Variants in DESI2 observed in about 807,000 individuals in gnomAD.
The protein encoded by DESI2 is desumoylating isopeptidase 2.
Under a neutral mutation model 24.1 loss-of-function variants are expected in DESI2, and 10 were observed. The ratio of observed to expected loss-of-function variants is 0.41; its 90% CI spans 0.26 to 0.70. The LOEUF is 0.70. DESI2 is among the 30% of genes least tolerant of loss of function. The pLI is 0.29. For synonymous variants in DESI2, 71 were observed against 87.7 expected (o/e 0.81, Z 1.06); for missense variants, 122 against 234.9 (o/e 0.52, Z 3.14).
At chr1:244,702,218 A>T (rs951339425) in intron 4 of DESI2, among the ~76,000 whole-genome samples, 2 of 152,326 alleles carry the variant, frequency 1.3e-5, no homozygotes, top group South Asian at 2.1e-4. Flanking sequence ...TCAAAGTTTT[A>T]AAAACATTGG....
chr1:244,699,826 C>T (rs1002973189), intron 4 of DESI2, among the ~76,000 whole-genome samples: 1 of 152,170 alleles, frequency 6.6e-6, no homozygotes, highest in East Asian at 1.9e-4. Flanking sequence ...TGCCTTTCCG[C>T]TCTTCCCTAA....
At chr1:244,703,930 A>G (rs1677588112) in intron 4 of DESI2, among the ~76,000 whole-genome samples, 1 of 151,868 alleles carries the variant, frequency 6.6e-6, no homozygotes, top group Non-Finnish European at 1.5e-5. Flanking sequence ...AGTGCTGGGA[A>G]TTACAGGTGT....
rs189517621 is a variant in DESI2 at position 244,671,226 on chromosome 1, G to T, written c.43-15371G>T. Among the ~76,000 whole-genome samples the T allele has an allele frequency of 4.1e-3, 617 of 152,286 alleles. 2 individuals carry two copies. Among genetic ancestry groups the T allele is most frequent in the Admixed American group, 5.8e-3 (88 of 15,290 alleles). ...TGTAAACTAACTTTCAAATGAAAAC[G>T]TCTGATTGTTCGTGTAATCTCCGAG... On this transcript the variant is annotated intron_variant, in intron 1 of 4. Coordinates refer to ENST00000302550, the MANE Select transcript of DESI2 (RefSeq NM_016076.5).
At chr1:244,654,737 C>G (rs1675586686) in intron 1 of DESI2, among the ~76,000 whole-genome samples, 2 of 152,180 alleles carry the variant, frequency 1.3e-5, no homozygotes, top group African/African-American at 4.8e-5. Flanking sequence ...TTTTTGTGTT[C>G]AGCTGAACAC....
At chr1:244,665,178 T>C (rs1676000083) in intron 1 of DESI2, among the ~76,000 whole-genome samples, 1 of 152,046 alleles carries the variant, frequency 6.6e-6, no homozygotes, top group South Asian at 2.1e-4. Context: ...TTTTTTTTTT[T>C]AGTGTTTTCA....
intron 1 of DESI2, among the ~76,000 whole-genome samples, chr1:244,676,491 A>G (rs1441052211): frequency 1.3e-5 from 2 of 152,080 alleles, no homozygotes; most frequent in African/African-American, 2.4e-5. Context: ...ATATCATATC[A>G]TCTGCAAAAT....
intron 1 of DESI2, among the ~76,000 whole-genome samples, chr1:244,672,091 T>C (rs775614572): frequency 1.3e-5 from 2 of 152,064 alleles, no homozygotes; most frequent in Non-Finnish European, 2.9e-5. Context: ...CCCAACACTT[T>C]GGGAGTCTGA....
intron 1 of DESI2, among the ~76,000 whole-genome samples, chr1:244,682,073 T>C (rs1676634867): frequency 6.6e-6 from 1 of 152,212 alleles, no homozygotes; most frequent in African/African-American, 2.4e-5. Context: ...TGGTCAGTGT[T>C]ACAGCTCATA....
At chr1:244,660,115 G>A (rs894328856) in intron 1 of DESI2, among the ~76,000 whole-genome samples, 5 of 152,028 alleles carry the variant, frequency 3.3e-5, no homozygotes, top group African/African-American at 9.7e-5. Context: ...ATACCAGAGA[G>A]CCTACTATTT....
At chr1:244,656,073 T>TATATATATATATATATATATATATATATA (rs1296466752) in intron 1 of DESI2, among the ~76,000 whole-genome samples, 1 of 152,252 alleles carries the variant, frequency 6.6e-6, no homozygotes, top group East Asian at 1.9e-4. Context: ...TCCTTTTATC[T>TATATATATATATATATATATATATATATA]TTGGTAATTC....
In DESI2 at chr1:244,689,802, G is replaced by A. The variant is rs1194810701; in HGVS notation, c.209+460G>A. 2.0e-5 allele frequency among the ~76,000 whole-genome samples: 3 copies of A among 152,112 alleles called. No individual in the cohort carries two copies. Among genetic ancestry groups the A allele is most frequent in the African/African-American group, 4.8e-5 (2 of 41,420 alleles). ...TGGGATTACAGGCGTGAGCCACCAC[G>A]CCCAGCCCAGGAAACTCCTTTCTAA... On this transcript the variant is annotated intron_variant, in intron 3 of 4. Transcript: ENST00000302550. The surrounding 1 kb of genome is among the most constrained non-coding windows in gnomAD (Gnocchi z 4.0).
intron 1 of DESI2, among the ~76,000 whole-genome samples, chr1:244,670,236 C>T (rs1463458397): frequency 6.6e-6 from 1 of 152,210 alleles, no homozygotes; most frequent in Non-Finnish European, 1.5e-5. Flanking sequence ...GGATTACAGG[C>T]ATGTGCCACC....
At chr1:244,679,832 A>G (rs1022556002) in intron 1 of DESI2, among the ~76,000 whole-genome samples, 2 of 140,770 alleles carry the variant, frequency 1.4e-5, no homozygotes, top group Non-Finnish European at 3.0e-5. Flanking sequence ...GCGCCACTGC[A>G]CTCCATCCTG....
At chr1:244,666,738 G>T (rs1016294153) in intron 1 of DESI2, among the ~76,000 whole-genome samples, 1 of 152,106 alleles carries the variant, frequency 6.6e-6, no homozygotes, top group East Asian at 1.9e-4. Flanking sequence ...GAGGGCAGAC[G>T]CAGTGTCTAT....
In DESI2 at chr1:244,705,538, ACT is replaced by A. The variant is rs754813073; in HGVS notation, c.352-15_352-14del. ...CTTAACCTCTCTTACCTAATACAGAACTCTTTCTCTTCTGTAGATTCTTTGTG... is the reference window on the plus strand; with the variant it reads ...CTTAACCTCTCTTACCTAATACAGAACTTTCTCTTCTGTAGATTCTTTGTG... On this transcript the variant is annotated splice_polypyrimidine_tract_variant and intron_variant, in intron 4 of 4. Coordinates refer to ENST00000302550, the MANE Select transcript of DESI2 (RefSeq NM_016076.5). 8 of 1,606,514 alleles carry A rather than the reference ACT, an allele frequency of 5.0e-6. No homozygotes were observed. The East Asian group carries it at 8.9e-5, about 18-fold the overall frequency.
intron 3 of DESI2, 86 bp from the exon 4 acceptor site, chr1:244,691,789 TAAGC>T (rs1404407556): frequency 1.1e-5 from 11 of 998,206 alleles, no homozygotes; most frequent in Admixed American, 6.6e-5. Flanking sequence ...TTCCTGGAAA[TAAGC>T]AAGTATTTAA....
chr1:244,707,653 G>T lies in DESI2; in HGVS notation c.*1864G>T, dbSNP rs190720542. On this transcript the variant is annotated 3_prime_UTR_variant, in exon 5 of 5. Coordinates refer to ENST00000302550, the MANE Select transcript of DESI2 (RefSeq NM_016076.5). Reference sequence around the variant, plus strand: ...TTGCTTGTAATATTTTTAATAATGTGAGGAGTACAGTGTTTTCTAATTCAT... The same window carrying T: ...TTGCTTGTAATATTTTTAATAATGTTAGGAGTACAGTGTTTTCTAATTCAT... 2.6e-5 allele frequency: 4 copies of T among 152,308 alleles called. No individual in the cohort carries two copies. Among genetic ancestry groups the T allele is most frequent in the African/African-American group, 9.6e-5 (4 of 41,556 alleles). 9.4% of individuals were successfully genotyped at this position (152,308 alleles called of 1,614,324 possible).
rs1302827392 is a variant in DESI2 at position 244,707,622 on chromosome 1, T to C, written c.*1833T>C. On this transcript the variant is annotated 3_prime_UTR_variant, in exon 5 of 5. Transcript: ENST00000302550. ...CAGACGGTTAGTACAAAGCCTTGGATACAGTTTGCTTGTAATATTTTTAAT... is the reference window on the plus strand; with the variant it reads ...CAGACGGTTAGTACAAAGCCTTGGACACAGTTTGCTTGTAATATTTTTAAT... The C allele has an allele frequency of 6.6e-6, 1 of 152,308 alleles. No individual in the cohort carries two copies. The allele number at this position is 152,308 out of a possible 1,614,324, so 9.4% of individuals were successfully genotyped here.
intron 1 of DESI2, 77 bp downstream of exon 1, chr1:244,653,432 C>T (rs1675531568): frequency 6.9e-7 from 1 of 1,445,236 alleles, no homozygotes; most frequent in Non-Finnish European, 9.2e-7. Flanking sequence ...GACCCCGGCC[C>T]CAGGCGCTTC....
Sources: gnomAD v4.1 joint callset for allele counts (sites outside exome capture counted in the v4.1 genomes callset) on GRCh38, gnomAD v4.1.1 for gene constraint, Gnocchi (gnomAD v3.1) non-coding constraint, MANE v1.5 for transcripts, NCBI Gene and HGNC (gene_info 2026-07-23, HGNC 2026-07-21) for gene names.